The following FSHR variants were observed in gnomAD, a reference collection of about 807,000 sequenced individuals.
FSHR encodes the protein follicle stimulating hormone receptor.
FSHR carries 46 observed loss-of-function variants against 52.1 expected under a neutral mutation model. The observed-to-expected ratio is 0.88, with a 90% confidence interval of 0.70 to 1.13. The LOEUF (loss-of-function observed/expected upper bound fraction) is 1.13, where lower values mean the gene tolerates loss of function less well. FSHR is among the 50% of genes most tolerant of loss of function. The pLI is 0.00. For synonymous variants in FSHR, 399 were observed against 309.6 expected (o/e 1.29, Z -3.03); for missense variants, 964 against 834.6 (o/e 1.16, Z -1.91).
At chr2:48,994,038 A>T (rs574488464) in intron 4 of FSHR, among the ~76,000 whole-genome samples, 2 of 152,198 alleles carry the variant, frequency 1.3e-5, no homozygotes, top group African/African-American at 4.8e-5. Flanking sequence ...TGTGAATCAT[A>T]TGAGGGCAAG....
In FSHR at chr2:49,046,225, T is replaced by C. The variant is rs564748694; in HGVS notation, c.224+21994A>G. ...AGCCACATGAAGATATTCATACTAC[T>C]ACTACAAATTAAATGGATGATAACT... On this transcript the variant is annotated intron_variant, in intron 2 of 9. Coordinates refer to ENST00000406846, the MANE Select transcript of FSHR (RefSeq NM_000145.4). Among the ~76,000 whole-genome samples the C allele has an allele frequency of 5.9e-5, 9 of 152,358 alleles. No individual in the cohort carries two copies. The South Asian group carries it at 1.9e-3, about 32-fold the overall frequency.
chr2:48,970,177 G>C (rs968833806), intron 8 of FSHR, among the ~76,000 whole-genome samples: 1 of 152,164 alleles, frequency 6.6e-6, no homozygotes, highest in African/African-American at 2.4e-5. Context: ...TGCTTTCATT[G>C]TATAATTATC....
chr2:48,991,959 C>A (rs1400607248), intron 4 of FSHR, among the ~76,000 whole-genome samples: 1 of 150,610 alleles, frequency 6.6e-6, no homozygotes, highest in African/African-American at 2.4e-5. Context: ...TTGTTCTCTG[C>A]TTCTGTATTT....
chr2:48,978,633 T>A (rs915465582), intron 8 of FSHR, among the ~76,000 whole-genome samples: 1 of 152,188 alleles, frequency 6.6e-6, no homozygotes, highest in East Asian at 1.9e-4. Context: ...AAAAACAACC[T>A]TGAGTGAGTT....
At chr2:49,013,319 G>T (rs528569938) in intron 4 of FSHR, among the ~76,000 whole-genome samples, 1 of 151,744 alleles carries the variant, frequency 6.6e-6, no homozygotes, top group Non-Finnish European at 1.5e-5. Flanking sequence ...AAGCTAACTA[G>T]TGTGAGGTGG....
rs1478006672 is a variant in FSHR, at chr2:49,020,071, A to G, written c.299+15T>C. 2 of 1,610,326 alleles carry G rather than the reference A, an allele frequency of 1.2e-6. No individual in the cohort carries two copies. Among genetic ancestry groups the G allele is most frequent in the Non-Finnish European group, 8.5e-7 (1 of 1,176,694 alleles). On this transcript the variant is annotated intron_variant, in intron 3 of 9. Coordinates refer to ENST00000406846, the MANE Select transcript of FSHR (RefSeq NM_000145.4). ...AAGAATGGCCATGAGCAAATCCCCC[A>G]ATCTTCTTGCTTACATTTCATGTAA...
rs758443099 is a variant in FSHR at position 49,068,210 on chromosome 2, G to A, written c.224+9C>T. On this transcript the variant is annotated intron_variant, in intron 2 of 9. Coordinates refer to ENST00000406846, the MANE Select transcript of FSHR (RefSeq NM_000145.4). ...GAGGCATTCACTCACAGCAGTGCTA[G>A]GTACATACATTTTCTCCAGGTCCCC... 48 of 1,606,748 alleles carry A rather than the reference G, an allele frequency of 3.0e-5. No individual in the cohort carries two copies. Among genetic ancestry groups the A allele is most frequent in the Non-Finnish European group, 4.0e-5 (47 of 1,175,536 alleles).
At chr2:49,009,273 T>C (rs1395122286) in intron 4 of FSHR, among the ~76,000 whole-genome samples, 7 of 150,790 alleles carry the variant, frequency 4.6e-5, no homozygotes, top group African/African-American at 1.7e-4. Flanking sequence ...GCACCATTTA[T>C]TAAATAGGGA....
At chr2:48,974,968 A>G (rs1170055997) in intron 8 of FSHR, among the ~76,000 whole-genome samples, 1 of 152,158 alleles carries the variant, frequency 6.6e-6, no homozygotes, top group East Asian at 1.9e-4. Flanking sequence ...CATTTTTATG[A>G]TGCAAATATA....
intron 6 of FSHR, among the ~76,000 whole-genome samples, chr2:48,986,662 C>G (rs567093770): frequency 6.6e-6 from 1 of 152,264 alleles, no homozygotes; most frequent in South Asian, 2.1e-4. Context: ...TTCCTAAATT[C>G]TGAGAGATCA....
chr2:49,007,944 C>A (rs1008139059), intron 4 of FSHR, among the ~76,000 whole-genome samples: 2 of 151,864 alleles, frequency 1.3e-5, no homozygotes, highest in African/African-American at 4.8e-5. Context: ...CATGGGCACC[C>A]TTAACTAGTA....
intron 1 of FSHR, among the ~76,000 whole-genome samples, chr2:49,144,007 A>C (rs1672782296): frequency 6.6e-6 from 1 of 152,062 alleles, no homozygotes; most frequent in Admixed American, 6.6e-5. Context: ...GCCCCTACCC[A>C]CCCAAGCAAA....
chr2:49,146,321 G>C (rs181434604), intron 1 of FSHR, among the ~76,000 whole-genome samples: 2 of 152,052 alleles, frequency 1.3e-5, no homozygotes. Flanking sequence ...AGAAAGTCTA[G>C]TGCTCAAGGA....
rs143215639 is a variant in FSHR, at chr2:48,975,611, A to G, written c.669-6728T>C. ...GCCTATCATGGACTCCTCAGCCTCC[A>G]TAGCCATGTGAGCCAATGTCCCTAA... is the stretch of plus-strand genomic sequence containing the variant. On this transcript the variant is annotated intron_variant, in intron 8 of 9. Transcript: ENST00000406846. Among the ~76,000 whole-genome samples the G allele has an allele frequency of 3.5e-3, 538 of 152,264 alleles. 2 individuals carry two copies. Among genetic ancestry groups the G allele is most frequent in the African/African-American group, 0.012 (514 of 41,550 alleles).
chr2:49,148,429 T>C (rs546088162), intron 1 of FSHR, among the ~76,000 whole-genome samples: 147 of 152,188 alleles, frequency 9.7e-4, no homozygotes, highest in Admixed American at 2.2e-3. Context: ...TATTCAATAC[T>C]GAGGAGCAGA....
chr2:48,988,846 G>A, intron 6 of FSHR, 131 bp downstream of exon 6: 1 of 733,794 alleles, frequency 1.4e-6, no homozygotes, highest in Admixed American at 2.0e-5. Context: ...GAGGAACGCA[G>A]AACTGGAGAG....
chr2:48,985,363 G>A (rs997667963), intron 6 of FSHR, among the ~76,000 whole-genome samples: 1 of 152,178 alleles, frequency 6.6e-6, no homozygotes, highest in African/African-American at 2.4e-5. Context: ...AGGAACAGAG[G>A]AAACACGCAC....
intron 1 of FSHR, among the ~76,000 whole-genome samples, chr2:49,098,472 G>A (rs904052408): frequency 6.6e-6 from 1 of 151,956 alleles, no homozygotes; most frequent in Non-Finnish European, 1.5e-5. Flanking sequence ...ATTTGACCAT[G>A]TGAAAGGGAG....
chr2:49,082,192 ACCCCTGAGCAG>A (rs943758539), intron 1 of FSHR, among the ~76,000 whole-genome samples: 20 of 152,106 alleles, frequency 1.3e-4, no homozygotes, highest in African/African-American at 4.6e-4. Context: ...TGGGTCCCTG[ACCCCTGAGCAG>A]CCTAACTGGG....
Sources: gnomAD v4.1 joint callset for allele counts (sites outside exome capture counted in the v4.1 genomes callset) on GRCh38, gnomAD v4.1.1 for gene constraint, MANE v1.5 for transcripts, NCBI Gene and HGNC (gene_info 2026-07-23, HGNC 2026-07-21) for gene names.